The following FBXO27 variants were observed in gnomAD, a reference collection of about 807,000 sequenced individuals.
FBXO27 encodes the protein F-box only protein 27.
FBXO27 carries 28 observed loss-of-function variants against 28.3 expected under a neutral mutation model. The observed-to-expected ratio is 0.99, with a 90% CI of 0.73 to 1.36. The LOEUF (loss-of-function observed/expected upper bound fraction) is 1.36, where lower values mean the gene tolerates loss of function less well. FBXO27 is among the 40% of genes most tolerant of loss of function. The pLI is 0.00. For synonymous variants in FBXO27, 175 were observed against 167.3 expected, an observed-to-expected ratio of 1.05 and a Z score of -0.36; for missense variants, 388 against 394.1, an observed-to-expected ratio of 0.98 and a Z score of 0.13.
At chr19:39,007,540 C>G (rs188989320) in intron 2 of FBXO27, among the ~76,000 whole-genome samples, 2 of 152,160 alleles carry the variant, frequency 1.3e-5, no homozygotes, top group East Asian at 3.9e-4. Flanking sequence ...GGAAAGTTCT[C>G]GGGAGTAGTT....
intron 2 of FBXO27, among the ~76,000 whole-genome samples, chr19:39,012,215 G>A (rs1424255995): frequency 1.6e-5 from 2 of 126,014 alleles, no homozygotes; most frequent in Admixed American, 8.7e-5. Context: ...AGACAGTTTC[G>A]CTCTTGTTGC....
intron 5 of FBXO27, 123 bp from the exon 6 acceptor site, chr19:39,025,677 T>A (rs964548883): frequency 7.1e-6 from 9 of 1,265,766 alleles, no homozygotes; most frequent in Non-Finnish European, 6.4e-6. Context: ...TTGGGCCACA[T>A]GTTCTTCTAG....
At chr19:39,029,535 G>A (rs1209260284) in intron 4 of FBXO27, among the ~76,000 whole-genome samples, 1 of 152,008 alleles carries the variant, frequency 6.6e-6, no homozygotes, top group Non-Finnish European at 1.5e-5. Flanking sequence ...TTAGTGAGGG[G>A]CTTTTTTCCT....
chr19:39,020,886 G>A (rs971839026), downstream of FBXO27, among the ~76,000 whole-genome samples: 2 of 150,750 alleles, frequency 1.3e-5, no homozygotes, highest in Non-Finnish European at 2.9e-5. Flanking sequence ...ATGGAGTCTC[G>A]CTCTGTCACC....
rs60396459 is a variant in FBXO27, at chr19:39,012,637, T to TC, written c.252+1749_252+1750insG. On this transcript the variant is annotated intron_variant, in intron 2 of 2. Coordinates refer to the FBXO27 transcript ENST00000598394. ...AGGATGAAATTCTAAATTTTCTTCT[T>TC]TTTTTTTGTTTGTTACCAGCTTATA... Among the ~76,000 whole-genome samples, 126 of 140,690 alleles carry TC rather than the reference T, an allele frequency of 9.0e-4. 1 individual carries two copies. Among genetic ancestry groups the TC allele is most frequent in the African/African-American group, 3.1e-3 (116 of 37,736 alleles). The allele number at this position is 140,690 out of a possible 152,430, so 92.3% of individuals were successfully genotyped here.
At chr19:39,008,264 C>CAAAA (rs567620173) in intron 2 of FBXO27, among the ~76,000 whole-genome samples, 1 of 98,866 alleles carries the variant, frequency 1.0e-5, no homozygotes, top group Non-Finnish European at 2.1e-5. Flanking sequence ...GACTCTGTCT[C>CAAAA]AAAAAAAAAA....
At chr19:39,015,011 CTG>C (rs982482072) in intron 1 of FBXO27, among the ~76,000 whole-genome samples, 9 of 106,052 alleles carry the variant, frequency 8.5e-5, no homozygotes, top group African/African-American at 3.1e-4. Context: ...GAGCAAGACT[CTG>C]TCTCAAAAAA....
intron 4 of FBXO27, chr19:39,030,432 C>T (rs947873447): frequency 6.5e-6 from 1 of 153,004 alleles, no homozygotes; most frequent in Non-Finnish European, 1.5e-5. Flanking sequence ...GTTTTCTCCT[C>T]CTAAGGCAAG....
In FBXO27 at chr19:39,032,281, A is replaced by G; in HGVS notation, c.-26-28T>C. ...GCGGGAGAGGAAGGGTCAAGGCGTC[A>G]GGGACCAGCAGCCTCCGCGGCGCGC... On this transcript the variant is annotated intron_variant, in intron 1 of 5. Transcript: ENST00000292853. This position sits in a 1 kb window ranked among gnomAD's most constrained non-coding sequence, Gnocchi z 4.7. 7.2e-7 allele frequency: 1 copy of G among 1,380,870 alleles called. No individual in the cohort carries two copies. The highest frequency in any genetic ancestry group is 9.3e-7 in the Non-Finnish European group (1 of 1,078,082). 85.5% of individuals were successfully genotyped at this position (1,380,870 alleles called of 1,614,324 possible). A position where few individuals can be genotyped will look rare whatever the true frequency, so the allele number is the denominator to read the frequency against.
At chr19:39,007,109 G>A (rs562657996) in intron 2 of FBXO27, among the ~76,000 whole-genome samples, 15 of 146,860 alleles carry the variant, frequency 1.0e-4, no homozygotes, top group Admixed American at 1.4e-4. Context: ...GAGGGCACAC[G>A]TGGTGCCCCC....
chr19:39,026,819 G>A, intron 5 of FBXO27, 51 bp downstream of exon 5: 6 of 1,609,510 alleles, frequency 3.7e-6, no homozygotes, highest in Non-Finnish European at 5.1e-6. Flanking sequence ...GATTTATTTT[G>A]CAGCAATAGG....
At chr19:39,011,921 C>T (rs1297296878) in intron 2 of FBXO27, among the ~76,000 whole-genome samples, 2 of 150,908 alleles carry the variant, frequency 1.3e-5, no homozygotes, top group Admixed American at 6.6e-5. Context: ...CTCCACCTCC[C>T]GGGTTCACGC....
chr19:39,015,502 C>G (rs1183475825), intron 1 of FBXO27, among the ~76,000 whole-genome samples: 1 of 150,354 alleles, frequency 6.7e-6, no homozygotes, highest in East Asian at 2.0e-4. Context: ...TGGCATGCGC[C>G]TGTAGTCCCG....
At chr19:39,011,154 G>A (rs1053622069) in intron 2 of FBXO27, among the ~76,000 whole-genome samples, 1 of 152,238 alleles carries the variant, frequency 6.6e-6, no homozygotes, top group African/African-American at 2.4e-5. Flanking sequence ...CAAGTGGCCG[G>A]GTGCAGTGGC....
intron 1 of FBXO27, among the ~76,000 whole-genome samples, chr19:39,015,017 C>A (rs1342148005): frequency 1.6e-3 from 202 of 125,794 alleles, no homozygotes; most frequent in Middle Eastern, 4.1e-3. Context: ...GACTCTGTCT[C>A]AAAAAAAAAA....
chr19:39,014,876 A>G (rs2072812329), intron 1 of FBXO27, among the ~76,000 whole-genome samples: 1 of 151,606 alleles, frequency 6.6e-6, no homozygotes, highest in Non-Finnish European at 1.5e-5. Flanking sequence ...AAACTCATCA[A>G]TAAGGGTGGT....
downstream of FBXO27, among the ~76,000 whole-genome samples, chr19:39,019,655 C>T (rs959426987): frequency 4.0e-5 from 6 of 151,876 alleles, no homozygotes; most frequent in East Asian, 1.9e-4. Flanking sequence ...TGGCTTCTAC[C>T]AACCAAAAGG....
At chr19:39,017,079 T>C (rs2072823854) in intron 1 of FBXO27, among the ~76,000 whole-genome samples, 1 of 152,132 alleles carries the variant, frequency 6.6e-6, no homozygotes, top group African/African-American at 2.4e-5. Flanking sequence ...TGTGAGATCC[T>C]GCCTCAACAA....
At chr19:39,011,115 T>C (rs2144881239) in intron 2 of FBXO27, among the ~76,000 whole-genome samples, 2 of 152,272 alleles carry the variant, frequency 1.3e-5, no homozygotes, top group Admixed American at 1.3e-4. Flanking sequence ...TGTCCATTTC[T>C]GCAAAAAAAA....
Sources: allele counts gnomAD v4.1 joint callset (sites outside exome capture counted in the v4.1 genomes callset), GRCh38; gene constraint gnomAD v4.1.1; non-coding constraint Gnocchi (gnomAD v3.1); transcripts MANE v1.5; gene names NCBI Gene and HGNC (gene_info 2026-07-23, HGNC 2026-07-21).